Variants in PCDH11X observed in about 807,000 individuals in gnomAD.
PCDH11X encodes protocadherin-11 X-linked.
PCDH11X carries 18 observed loss-of-function variants against 53.3 expected under a neutral mutation model. The ratio of observed to expected loss-of-function variants is 0.34; its 90% CI spans 0.23 to 0.50. The LOEUF is 0.50. Among genes scored for constraint, PCDH11X ranks in the 20% least tolerant of loss-of-function variants. The pLI, the probability that PCDH11X is intolerant of heterozygous loss-of-function variation, is 0.98. For synonymous variants in PCDH11X, 279 were observed against 393.3 expected (o/e 0.71, Z 3.44); for missense variants, 570 against 1,032.4 (o/e 0.55, Z 6.14).
intron 10 of PCDH11X, among the ~76,000 whole-genome samples, chrX:92,610,700 G>T (rs1344783995): frequency 4.5e-5 from 5 of 110,836 alleles, no homozygotes; most frequent in Non-Finnish European, 9.5e-5. Context: ...GTTTCGTATG[G>T]TTCCTTCTAG....
chrX:92,546,844 T>C (rs749671431), intron 10 of PCDH11X, among the ~76,000 whole-genome samples: 4 of 112,190 alleles, frequency 3.6e-5, no homozygotes, highest in Admixed American at 2.8e-4. Context: ...ACTGCCCTTA[T>C]ATTGGGTCTA....
chrX:92,009,996 C>T (rs34338486), intron 6 of PCDH11X, among the ~76,000 whole-genome samples: 14 of 110,769 alleles, frequency 1.3e-4, no homozygotes, highest in Non-Finnish European at 1.7e-4. Flanking sequence ...TGTGCCACCT[C>T]GCCTGGCCTG....
At chrX:92,463,310 G>A (rs778028237) in intron 9 of PCDH11X, among the ~76,000 whole-genome samples, 1 of 110,792 alleles carries the variant, frequency 9.0e-6, no homozygotes, top group South Asian at 3.8e-4. Context: ...GAACATGAGG[G>A]GGTAAATTGC....
chrX:91,980,983 T>TATATATATATATACACTGA (rs1458100549), intron 6 of PCDH11X, among the ~76,000 whole-genome samples: 2 of 100,919 alleles, frequency 2.0e-5, no homozygotes, highest in Non-Finnish European at 3.9e-5. Flanking sequence ...ACACTGAATA[T>TATATATATATATACACTGA]ATATATATAT....
chrX:92,136,446 AT>A (rs2148207905), intron 6 of PCDH11X, among the ~76,000 whole-genome samples: 1 of 109,523 alleles, frequency 9.1e-6, no homozygotes, highest in East Asian at 2.9e-4. Flanking sequence ...GGAGATAAGA[AT>A]AATTTTTACA....
chrX:91,795,628 T>A lies in PCDH11X; in HGVS notation c.-378-13838T>A, dbSNP rs776675931. ...AAATTTTATAAAGCAATGTTACATATGTTATAACATTTACCTTCTTGAATG... is the reference window on the plus strand; with the variant it reads ...AAATTTTATAAAGCAATGTTACATAAGTTATAACATTTACCTTCTTGAATG... On this transcript the variant is annotated intron_variant, in intron 1 of 10. Transcript: ENST00000682573. Among the ~76,000 whole-genome samples, 4 of 111,159 alleles carry A rather than the reference T, an allele frequency of 3.6e-5. No homozygotes were observed. The South Asian group carries it at 1.5e-3, about 42-fold the overall frequency.
chrX:91,859,029 C>T (rs1453879731), intron 5 of PCDH11X, among the ~76,000 whole-genome samples: 43 of 107,477 alleles, frequency 4.0e-4, no homozygotes, highest in African/African-American at 1.3e-3. Flanking sequence ...CAGACATACC[C>T]GAGACTGGGT....
intron 6 of PCDH11X, among the ~76,000 whole-genome samples, chrX:92,041,914 A>G (rs1225191108): frequency 1.8e-5 from 2 of 112,317 alleles, no homozygotes; most frequent in African/African-American, 6.5e-5. Context: ...GGTTGCAGTG[A>G]GCTGAGATCA....
At chrX:92,526,080 T>C (rs2074448360) in intron 10 of PCDH11X, among the ~76,000 whole-genome samples, 1 of 111,483 alleles carries the variant, frequency 9.0e-6, no homozygotes, top group African/African-American at 3.3e-5. Context: ...GCCCTTAAAA[T>C]AAAATTCATT....
intron 10 of PCDH11X, among the ~76,000 whole-genome samples, chrX:92,609,923 A>G (rs1927192021): frequency 9.0e-6 from 1 of 111,611 alleles, no homozygotes; most frequent in African/African-American, 3.2e-5. Flanking sequence ...TGCAAATAAC[A>G]TAGTTTGTTC....
At position 92,619,968 on chromosome X, in the gene PCDH11X, T is replaced by G; in HGVS notation, c.*1028T>G. ...GTTACCAAAGGGTGTTCAGTAAAAA[T>G]AACAAATACATGTAACTGTAGATAA... On this transcript the variant is annotated 3_prime_UTR_variant, in exon 11 of 11. Coordinates refer to ENST00000682573, the MANE Select transcript of PCDH11X (RefSeq NM_032968.5). The G allele has an allele frequency of 9.1e-6, 1 of 109,851 alleles. No individual in the cohort carries two copies. The highest frequency in any genetic ancestry group is 1.9e-5 in the Non-Finnish European group (1 of 52,864). The allele number at this position is 109,851 out of a possible 1,213,427, so 9.1% of individuals were successfully genotyped here.
chrX:92,345,476 G>A (rs1443447581), intron 8 of PCDH11X, among the ~76,000 whole-genome samples: 1 of 108,276 alleles, frequency 9.2e-6, no homozygotes, highest in African/African-American at 3.3e-5. Flanking sequence ...TTTCCCACTG[G>A]CCCCAACTCT....
At chrX:91,940,135 C>A (rs750591068) in intron 6 of PCDH11X, among the ~76,000 whole-genome samples, 1 of 110,464 alleles carries the variant, frequency 9.1e-6, no homozygotes, top group East Asian at 2.9e-4. Context: ...CTCATTAGAT[C>A]TGATCATTTA....
At chrX:91,872,782 C>A (rs762468955) in intron 5 of PCDH11X, among the ~76,000 whole-genome samples, 7 of 109,566 alleles carry the variant, frequency 6.4e-5, no homozygotes, top group Non-Finnish European at 1.3e-4. Flanking sequence ...TCATTTTTCT[C>A]ACTGTCCTCC....
At chrX:92,608,996 A>T (rs1241098757) in intron 10 of PCDH11X, among the ~76,000 whole-genome samples, 1 of 111,128 alleles carries the variant, frequency 9.0e-6, no homozygotes, top group Non-Finnish European at 1.9e-5. Flanking sequence ...GGAACCATAC[A>T]CGATGTAGAC....
At chrX:92,056,553 T>C (rs2759862) in intron 6 of PCDH11X, among the ~76,000 whole-genome samples, 3 of 111,246 alleles carry the variant, frequency 2.7e-5, no homozygotes, top group African/African-American at 6.5e-5. Flanking sequence ...CCAGTTGTCA[T>C]TTTTTGCTTT....
At chrX:91,847,617 A>AT (rs1317015060) in intron 5 of PCDH11X, among the ~76,000 whole-genome samples, 2 of 111,483 alleles carry the variant, frequency 1.8e-5, no homozygotes, top group African/African-American at 6.5e-5. Context: ...GGGGTCAACT[A>AT]TTACTTGCAC....
rs1928567401 is a variant in PCDH11X, at chrX:92,622,273, A to G, written c.*3333A>G. The G allele has an allele frequency of 9.3e-6, 1 of 107,109 alleles. No homozygotes were observed. Among genetic ancestry groups the G allele is most frequent in the Non-Finnish European group, 1.9e-5 (1 of 51,735 alleles). 8.8% of individuals were successfully genotyped at this position (107,109 alleles called of 1,213,427 possible). On this transcript the variant is annotated 3_prime_UTR_variant, in exon 11 of 11. Transcript: ENST00000682573. ...ACACATGGTCATTAAATGGGAAAAA[A>G]ATAGACTAAACAAATCACAAATTGT...
chrX:92,052,394 AGTT>A, intron 6 of PCDH11X, among the ~76,000 whole-genome samples: 1 of 82,004 alleles, frequency 1.2e-5, no homozygotes, highest in South Asian at 7.8e-4. Flanking sequence ...GAATGGATAA[AGTT>A]GTGCTGATTT....
Sources: allele counts gnomAD v4.1 joint callset (sites outside exome capture counted in the v4.1 genomes callset), GRCh38; gene constraint gnomAD v4.1.1; transcripts MANE v1.5; gene names NCBI Gene and HGNC (gene_info 2026-07-23, HGNC 2026-07-21).